NUDT4: variants seen among roughly 807,000 people sequenced by gnomAD.
NUDT4 encodes nudix hydrolase 4.
In NUDT4, 5 loss-of-function variants were observed where a neutral mutation model predicts 23.1. The ratio of observed to expected loss-of-function variants is 0.22; its 90% CI spans 0.11 to 0.46. The LOEUF is 0.46. Among genes scored for constraint, NUDT4 ranks in the 20% least tolerant of loss-of-function variants. The pLI is 0.99. For missense variants in NUDT4, 96 were observed against 211.6 expected (o/e 0.45, Z 3.39); for synonymous variants, 50 against 79.0 (o/e 0.63, Z 1.95).
At chr12:93,395,298 T>G (rs1223954915) in intron 2 of NUDT4, among the ~76,000 whole-genome samples, 191 bp from the exon 3 acceptor site, 2 of 152,104 alleles carry the variant, frequency 1.3e-5, no homozygotes, top group Non-Finnish European at 2.9e-5. Context: ...AAATACTAAT[T>G]TTTGATCAGT....
At chr12:93,397,869 T>G in intron 3 of NUDT4, among the ~76,000 whole-genome samples, 1 of 151,232 alleles carries the variant, frequency 6.6e-6, no homozygotes. Flanking sequence ...GCAGGAGGAG[T>G]GCTTAAAGGA....
intron 1 of NUDT4, among the ~76,000 whole-genome samples, chr12:93,388,487 TCTC>T (rs565689299): frequency 7.2e-4 from 110 of 152,344 alleles, no homozygotes; most frequent in Non-Finnish European, 1.4e-3. Flanking sequence ...GCAACTTCTT[TCTC>T]CACAGTGCTT....
intron 1 of NUDT4, among the ~76,000 whole-genome samples, chr12:93,380,197 T>C (rs1875558938): frequency 1.3e-5 from 2 of 152,108 alleles, no homozygotes; most frequent in African/African-American, 4.8e-5. Flanking sequence ...TATCTGAAAG[T>C]GGTGACTGAA....
intron 1 of NUDT4, among the ~76,000 whole-genome samples, chr12:93,386,673 G>A (rs911827831): frequency 1.3e-5 from 2 of 151,914 alleles, no homozygotes; most frequent in African/African-American, 4.8e-5. Context: ...TATGTAACTA[G>A]TAAAAACACG....
intron 1 of NUDT4, among the ~76,000 whole-genome samples, chr12:93,388,996 ATTC>A (rs1044895819): frequency 3.9e-5 from 6 of 152,340 alleles, no homozygotes; most frequent in African/African-American, 1.4e-4. Flanking sequence ...GAGGAGCCCA[ATTC>A]TATCTGCAGG....
chr12:93,392,765 G>A (rs934713232), intron 1 of NUDT4, among the ~76,000 whole-genome samples: 2 of 112,036 alleles, frequency 1.8e-5, no homozygotes, highest in African/African-American at 3.5e-5. Flanking sequence ...TGCAACCTCC[G>A]CCTCCCAGGT....
At chr12:93,390,915 G>A (rs1032762852) in intron 1 of NUDT4, among the ~76,000 whole-genome samples, 1 of 152,136 alleles carries the variant, frequency 6.6e-6, no homozygotes, top group Admixed American at 6.5e-5. Flanking sequence ...TTTCTAAGAG[G>A]AGGTTCTATG....
At chr12:93,379,697 T>A (rs955679788) in intron 1 of NUDT4, among the ~76,000 whole-genome samples, 2 of 152,196 alleles carry the variant, frequency 1.3e-5, no homozygotes, top group Non-Finnish European at 2.9e-5. Flanking sequence ...GGCCCCAGCC[T>A]TTGAGATGGG....
intron 1 of NUDT4, 80 bp from the exon 2 acceptor site, chr12:93,394,529 C>T: frequency 1.3e-6 from 1 of 776,864 alleles, no homozygotes; most frequent in Non-Finnish European, 2.2e-6. Context: ...AGAGTTATAA[C>T]CTTGCAGAGG....
intron 1 of NUDT4, among the ~76,000 whole-genome samples, chr12:93,381,815 G>T (rs561411843): frequency 2.0e-5 from 3 of 152,330 alleles, no homozygotes; most frequent in South Asian, 4.1e-4. Context: ...TTTGAACAAA[G>T]AACATTGAGA....
chr12:93,396,015 G>A (rs1276794695), intron 3 of NUDT4, among the ~76,000 whole-genome samples: 2 of 152,188 alleles, frequency 1.3e-5, no homozygotes, highest in African/African-American at 4.8e-5. Flanking sequence ...CACTGTGCCC[G>A]GCTGCCATCA....
In NUDT4 at chr12:93,386,199, G is replaced by A. The variant is rs186460680; in HGVS notation, c.99+7778G>A. ...CCTATGTTGCCTAGGCTGGTCTTGA[G>A]CTCCTAGACTCAGTCCGCCTGCCTT... is the stretch of plus-strand genomic sequence containing the variant. On this transcript the variant is annotated intron_variant, in intron 1 of 4. Coordinates refer to ENST00000415493, the MANE Select transcript of NUDT4 (RefSeq NM_019094.6). 1.4e-3 allele frequency among the ~76,000 whole-genome samples: 209 copies of A among 151,904 alleles called. 2 individuals carry two copies. Among genetic ancestry groups the A allele is most frequent in the African/African-American group, 4.8e-3 (199 of 41,480 alleles).
rs866452953 is a variant in NUDT4, at chr12:93,378,142, G to A, written c.-181G>A. On this transcript the variant is annotated 5_prime_UTR_variant, in exon 1 of 5. Coordinates refer to ENST00000415493, the MANE Select transcript of NUDT4 (RefSeq NM_019094.6). ...CCCGCGCTAGCGTCCCGTCCCGCCCGCGTCGGAGCGGCCGCCGGCCCCGGG... is the reference window on the plus strand; with the variant it reads ...CCCGCGCTAGCGTCCCGTCCCGCCCACGTCGGAGCGGCCGCCGGCCCCGGG... The A allele has an allele frequency of 6.3e-3, 1,690 of 269,612 alleles. 7 individuals carry two copies. Among genetic ancestry groups the A allele is most frequent in the African/African-American group, 0.035 (1,574 of 44,494 alleles). 16.7% of individuals were successfully genotyped at this position (269,612 alleles called of 1,614,324 possible). A position where few individuals can be genotyped will look rare whatever the true frequency, so the allele number is the denominator to read the frequency against.
At position 93,406,856 on chromosome 12, in the gene NUDT4, G is replaced by T. The variant is rs1877849943; in HGVS notation, c.*7477G>T. 1 of 152,174 alleles carries T rather than the reference G, an allele frequency of 6.6e-6. No individual in the cohort carries two copies. Among genetic ancestry groups the T allele is most frequent in the African/African-American group, 2.4e-5 (1 of 41,426 alleles). The allele number at this position is 152,174 out of a possible 1,614,324, so 9.4% of individuals were successfully genotyped here. ...CAGTTCCCGACAAATACCAAGAGAT[G>T]ACTTTACTTTAGACCTAAGATCTTG... is the stretch of plus-strand genomic sequence containing the variant. On this transcript the variant is annotated 3_prime_UTR_variant, in exon 5 of 5. Transcript: ENST00000415493.
rs545794094 is a variant in NUDT4, at chr12:93,387,545, G to A, written c.100-7064G>A. On this transcript the variant is annotated intron_variant, in intron 1 of 4. Transcript: ENST00000415493. ...CACTGAACAATAGAGCAGGTGTGGC[G>A]GTTCTTAGGAAACACTGAGTTATGT... 1.3e-4 allele frequency among the ~76,000 whole-genome samples: 20 copies of A among 152,232 alleles called. No individual in the cohort carries two copies. The East Asian group carries it at 3.3e-3, about 25-fold the overall frequency.
intron 1 of NUDT4, 47 bp downstream of exon 1, chr12:93,378,468 AG>A: frequency 6.7e-7 from 1 of 1,493,426 alleles, no homozygotes; most frequent in East Asian, 2.6e-5. Context: ...GCCGGGGTCT[AG>A]GGCCCGGGTG....
Position 93,378,132 on chromosome 12 carries a change from C to G in NUDT4, c.-191C>G, listed in dbSNP as rs1276352105. On this transcript the variant is annotated 5_prime_UTR_variant, in exon 1 of 5. Coordinates refer to ENST00000415493, the MANE Select transcript of NUDT4 (RefSeq NM_019094.6). ...GTTCCAGTGACCCGCGCTAGCGTCC[C>G]GTCCCGCCCGCGTCGGAGCGGCCGC... The G allele has an allele frequency of 1.1e-5, 3 of 264,254 alleles. No individual in the cohort carries two copies. Among genetic ancestry groups the G allele is most frequent in the Non-Finnish European group, 2.1e-5 (3 of 140,720 alleles). The allele number at this position is 264,254 out of a possible 1,614,324, so 16.4% of individuals were successfully genotyped here. A position where few individuals can be genotyped will look rare whatever the true frequency, so the allele number is the denominator to read the frequency against.
chr12:93,403,151 G>A lies in NUDT4; in HGVS notation c.*3772G>A, dbSNP rs1472374167. 6.6e-6 allele frequency: 1 copy of A among 151,796 alleles called. No homozygotes were observed. The highest frequency in any genetic ancestry group is 2.4e-5 in the African/African-American group (1 of 41,262). The allele number at this position is 151,796 out of a possible 1,614,324, so 9.4% of individuals were successfully genotyped here. ...CTCAAAGTGCTAGGATGATTGGCAT[G>A]AGCCACCTCGTCTGGCCTGCAGGTC... On this transcript the variant is annotated 3_prime_UTR_variant, in exon 5 of 5. Coordinates refer to ENST00000415493, the MANE Select transcript of NUDT4 (RefSeq NM_019094.6).
chr12:93,395,998 C>T (rs1268996399), intron 3 of NUDT4, among the ~76,000 whole-genome samples: 3 of 152,152 alleles, frequency 2.0e-5, no homozygotes, highest in Non-Finnish European at 2.9e-5. Flanking sequence ...GGATTACAGG[C>T]GTGAGCCACT....
Sources: allele counts gnomAD v4.1 joint callset (sites outside exome capture counted in the v4.1 genomes callset), GRCh38; gene constraint gnomAD v4.1.1; transcripts MANE v1.5; gene names NCBI Gene and HGNC (gene_info 2026-07-23, HGNC 2026-07-21).